GC: variants seen among roughly 807,000 people sequenced by gnomAD.
GC encodes GC vitamin D binding protein.
GC carries 43 observed loss-of-function variants against 56.7 expected under a neutral mutation model. The ratio of observed to expected loss-of-function variants is 0.76; its 90% confidence interval spans 0.59 to 0.98. The LOEUF (loss-of-function observed/expected upper bound fraction) is 0.98. Ranked by LOEUF, GC falls within the 50% of genes least tolerant of loss-of-function variation. The pLI is 0.00. For missense variants in GC, 529 were observed against 545.9 expected (o/e 0.97, Z 0.31); for synonymous variants, 216 against 202.7 (o/e 1.07, Z -0.56).
intron 1 of GC, among the ~76,000 whole-genome samples, chr4:71,799,462 C>G (rs1339287101): frequency 6.6e-6 from 1 of 152,122 alleles, no homozygotes; most frequent in Non-Finnish European, 1.5e-5. Flanking sequence ...AACCCTAGCT[C>G]ATAAGATGTA....
At chr4:71,800,950 A>G (rs1184467328) in intron 1 of GC, among the ~76,000 whole-genome samples, 4 of 152,310 alleles carry the variant, frequency 2.6e-5, no homozygotes, top group South Asian at 4.1e-4. Context: ...TAGATACGAT[A>G]CCAAAAGAAT....
At chr4:71,797,750 G>A (rs777459324) in intron 1 of GC, among the ~76,000 whole-genome samples, 11 of 152,334 alleles carry the variant, frequency 7.2e-5, no homozygotes, top group South Asian at 4.1e-4. Flanking sequence ...TGTCTTCTGC[G>A]TCAATCACAC....
At chr4:71,768,230 A>C (rs1742219655) in intron 3 of GC, 71 bp downstream of exon 3, 1 of 1,330,798 alleles carries the variant, frequency 7.5e-7, no homozygotes, top group African/African-American at 1.5e-5. Flanking sequence ...TTTTTTCAAC[A>C]CGTGGTATAA....
At chr4:71,774,463 G>A (rs1056742494) in intron 1 of GC, among the ~76,000 whole-genome samples, 1 of 151,676 alleles carries the variant, frequency 6.6e-6, no homozygotes, top group Non-Finnish European at 1.5e-5. Flanking sequence ...TTTGTGGGTT[G>A]GTTACCTCCT....
chr4:71,765,333 G>A, intron 4 of GC, 99 bp downstream of exon 4: 2 of 901,562 alleles, frequency 2.2e-6, no homozygotes, highest in Non-Finnish European at 3.7e-6. Flanking sequence ...ATTTGTTCAG[G>A]TTGCTGTAGA....
At chr4:71,747,213 A>T (rs768401927) in intron 11 of GC, among the ~76,000 whole-genome samples, 1 of 152,186 alleles carries the variant, frequency 6.6e-6, no homozygotes, top group Admixed American at 6.6e-5. Context: ...TCAATTTCTT[A>T]TGGGACAAGA....
chr4:71,794,022 G>C (rs1165118495), intron 1 of GC, among the ~76,000 whole-genome samples: 1 of 152,154 alleles, frequency 6.6e-6, no homozygotes, highest in African/African-American at 2.4e-5. Flanking sequence ...GATCATGCTG[G>C]ATAAGCTTTT....
chr4:71,767,001 G>GAAATA (rs1347930396), intron 3 of GC, among the ~76,000 whole-genome samples: 3 of 152,076 alleles, frequency 2.0e-5, no homozygotes, highest in Non-Finnish European at 4.4e-5. Context: ...GCAAATATAT[G>GAAATA]AAATAAAATA....
chr4:71,799,345 A>G (rs540234886), intron 1 of GC, among the ~76,000 whole-genome samples: 2 of 152,288 alleles, frequency 1.3e-5, no homozygotes, highest in African/African-American at 4.8e-5. Flanking sequence ...ATGGAGGGCT[A>G]TCTTCCCAAG....
chr4:71,754,393 C>T lies in GC; in HGVS notation c.1262+18G>A, dbSNP rs754998926. Reference sequence around the variant, plus strand: ...TTATTGATAAATTTGGAGGATACAGCCAGAACAAGTTTCTTACTTTTTCTT... The same window carrying T: ...TTATTGATAAATTTGGAGGATACAGTCAGAACAAGTTTCTTACTTTTTCTT... On this transcript the variant is annotated intron_variant, in intron 10 of 12. Coordinates refer to ENST00000273951, the MANE Select transcript of GC (RefSeq NM_000583.4). 5.2e-6 allele frequency: 6 copies of T among 1,151,284 alleles called. No individual in the cohort carries two copies. In the South Asian group the frequency reaches 6.5e-5, roughly 12 times the overall value. 71.3% of individuals were successfully genotyped at this position (1,151,284 alleles called of 1,614,324 possible).
At position 71,783,943 on chromosome 4, in the gene GC, C is replaced by T. The variant is rs1395681207; in HGVS notation, c.58+18G>A. ...TAGTAAGAATTCCTGTAAATGGTCA[C>T]AACAAAAGAAATCTTACCTCTCTCT... On this transcript the variant is annotated intron_variant, in intron 1 of 12. Transcript: ENST00000273951. 2.5e-6 allele frequency: 4 copies of T among 1,570,740 alleles called. No individual in the cohort carries two copies. Among genetic ancestry groups the T allele is most frequent in the Non-Finnish European group, 3.5e-6 (4 of 1,158,076 alleles).
At chr4:71,785,259 A>C (rs1220409047), upstream of GC, among the ~76,000 whole-genome samples, 1 of 151,676 alleles carries the variant, frequency 6.6e-6, no homozygotes, top group Non-Finnish European at 1.5e-5. Context: ...TATTACTCTT[A>C]TTCTAGTTAT....
At chr4:71,773,200 G>C (rs1742395431) in intron 1 of GC, among the ~76,000 whole-genome samples, 1 of 152,018 alleles carries the variant, frequency 6.6e-6, no homozygotes, top group South Asian at 2.1e-4. Context: ...TAGTGACTCT[G>C]ATGAAATCAC....
intron 11 of GC, 80 bp from the exon 12 acceptor site, chr4:71,746,285 A>G: frequency 1.5e-6 from 1 of 662,748 alleles, no homozygotes; most frequent in Admixed American, 2.5e-5. Context: ...AGGTATACAA[A>G]ATCTTGAAAC....
chr4:71,793,721 C>G (rs1423213392), intron 1 of GC, among the ~76,000 whole-genome samples: 1 of 152,166 alleles, frequency 6.6e-6, no homozygotes, highest in Non-Finnish European at 1.5e-5. Context: ...AGAGGGCATC[C>G]TTTTCTTGTG....
upstream of GC, among the ~76,000 whole-genome samples, chr4:71,805,248 G>T (rs567317010): frequency 1.7e-3 from 263 of 152,300 alleles, no homozygotes; most frequent in African/African-American, 6.0e-3. Flanking sequence ...GCTGATAACT[G>T]TTGTCCCATG....
chr4:71,803,273 A>T (rs1467033574), intron 1 of GC, among the ~76,000 whole-genome samples: 45 of 152,168 alleles, frequency 3.0e-4, no homozygotes, highest in Non-Finnish European at 5.9e-4. Context: ...ACATAAAAAG[A>T]GCTAGTAAAG....
intron 1 of GC, among the ~76,000 whole-genome samples, chr4:71,771,506 T>C (rs1375699127): frequency 6.6e-6 from 1 of 152,082 alleles, no homozygotes; most frequent in East Asian, 1.9e-4. Context: ...AAAAAGACAT[T>C]CTTCAGCAGC....
chr4:71,745,168 A>T (rs760392255), intron 12 of GC, among the ~76,000 whole-genome samples: 1 of 152,208 alleles, frequency 6.6e-6, no homozygotes, highest in Non-Finnish European at 1.5e-5. Flanking sequence ...TTTTCATTTT[A>T]CATGAAAGGA....
Sources: allele counts gnomAD v4.1 joint callset (sites outside exome capture counted in the v4.1 genomes callset), GRCh38; gene constraint gnomAD v4.1.1; transcripts MANE v1.5; gene names NCBI Gene and HGNC (gene_info 2026-07-23, HGNC 2026-07-21).